The following SPTBN1 variants were observed in gnomAD, a reference collection of about 807,000 sequenced individuals.
SPTBN1 encodes the protein spectrin beta chain, non-erythrocytic 1.
SPTBN1 carries 32 observed loss-of-function variants against 266.4 expected under a neutral mutation model. The observed-to-expected ratio is 0.12, with a 90% CI of 0.09 to 0.16. The LOEUF (loss-of-function observed/expected upper bound fraction) is 0.16, where lower values mean the gene tolerates loss of function less well. SPTBN1 is among the 10% of genes least tolerant of loss of function. SPTBN1 has a pLI of 1.00. For synonymous variants in SPTBN1, 1,336 were observed against 1,162.2 expected (o/e 1.15, Z -3.04); for missense variants, 2,296 against 3,067.1 (o/e 0.75, Z 5.94).
intron 3 of SPTBN1, among the ~76,000 whole-genome samples, chr2:54,609,135 T>C (rs970145368): frequency 6.6e-6 from 1 of 152,142 alleles, no homozygotes; most frequent in Non-Finnish European, 1.5e-5. Context: ...ACACAAGCAG[T>C]CTTGAATAAT....
intron 1 of SPTBN1, among the ~76,000 whole-genome samples, chr2:54,524,069 C>T (rs200622506): frequency 6.6e-6 from 1 of 152,020 alleles, no homozygotes; most frequent in African/African-American, 2.4e-5. Context: ...CATGGTGGCT[C>T]GCGCCTGTAG....
At chr2:54,563,800 C>T (rs1164046195) in intron 2 of SPTBN1, among the ~76,000 whole-genome samples, 1 of 151,854 alleles carries the variant, frequency 6.6e-6, no homozygotes, top group Admixed American at 6.6e-5. Flanking sequence ...GATGGGGTTT[C>T]GCCATATTGG....
chr2:54,601,692 A>C (rs906477610), intron 3 of SPTBN1, among the ~76,000 whole-genome samples: 1 of 152,210 alleles, frequency 6.6e-6, no homozygotes, highest in Non-Finnish European at 1.5e-5. Context: ...TTTTAGCCCC[A>C]GCACTTAACC....
chr2:54,553,328 G>A (rs1220374835), intron 2 of SPTBN1, among the ~76,000 whole-genome samples: 1 of 152,164 alleles, frequency 6.6e-6, no homozygotes, highest in Non-Finnish European at 1.5e-5. Context: ...GTGGGCAAGA[G>A]GTTCCTAGGA....
intron 2 of SPTBN1, among the ~76,000 whole-genome samples, chr2:54,585,459 C>T (rs1379967136): frequency 6.6e-6 from 1 of 152,076 alleles, no homozygotes; most frequent in Non-Finnish European, 1.5e-5. Flanking sequence ...ACATTGGGTA[C>T]TTACAGGATT....
chr2:54,655,899 C>G lies in SPTBN1; in HGVS notation c.5962-15C>G. 6.2e-7 allele frequency: 1 copy of G among 1,606,640 alleles called. No homozygotes were observed. Among genetic ancestry groups the G allele is most frequent in the Non-Finnish European group, 8.5e-7 (1 of 1,174,372 alleles). ...ATTCCATTAAGATGTCCCGGGGATC[C>G]TCTTTTTCATACAGATCAAGGAAAA... On this transcript the variant is annotated splice_polypyrimidine_tract_variant and intron_variant, in intron 28 of 35. Coordinates refer to ENST00000356805, the MANE Select transcript of SPTBN1 (RefSeq NM_003128.3).
At chr2:54,640,146 T>C (rs1558458268) in intron 18 of SPTBN1, among the ~76,000 whole-genome samples, 1 of 152,202 alleles carries the variant, frequency 6.6e-6, no homozygotes, top group Non-Finnish European at 1.5e-5. Flanking sequence ...CATTCAGCCT[T>C]ATTAAAATAC....
chr2:54,540,004 G>A lies in SPTBN1; in HGVS notation c.148+13438G>A, dbSNP rs1671842044. On this transcript the variant is annotated intron_variant, in intron 2 of 35. Coordinates refer to ENST00000356805, the MANE Select transcript of SPTBN1 (RefSeq NM_003128.3). This position sits in a 1 kb window ranked among gnomAD's most constrained non-coding sequence, Gnocchi z 5.6. Reference sequence around the variant, plus strand: ...GCCCTCGTGAATGGGATTCATGTCCGTATAAAGTAGACATGGGAAATGATC... The same window carrying A: ...GCCCTCGTGAATGGGATTCATGTCCATATAAAGTAGACATGGGAAATGATC... Among the ~76,000 whole-genome samples the A allele has an allele frequency of 6.6e-6, 1 of 152,140 alleles. No homozygotes were observed. Among genetic ancestry groups the A allele is most frequent in the Admixed American group, 6.6e-5 (1 of 15,260 alleles).
chr2:54,526,594 C>T, intron 2 of SPTBN1, 28 bp downstream of exon 2: 1 of 1,596,620 alleles, frequency 6.3e-7, no homozygotes, highest in Non-Finnish European at 8.5e-7. Context: ...GTCACAGAGG[C>T]CCAGGATGCC....
intron 2 of SPTBN1, among the ~76,000 whole-genome samples, chr2:54,560,941 T>G (rs1304345722): frequency 6.6e-6 from 1 of 152,256 alleles, no homozygotes; most frequent in Non-Finnish European, 1.5e-5. Flanking sequence ...AAAACCTTTC[T>G]TTAATTCCCA....
At chr2:54,594,833 C>CTTTTCT (rs1553455347) in intron 2 of SPTBN1, among the ~76,000 whole-genome samples, 4 of 104,716 alleles carry the variant, frequency 3.8e-5, no homozygotes, top group African/African-American at 1.5e-4. Context: ...TGGTAAGTTT[C>CTTTTCT]TTTTTTTTTT....
chr2:54,656,227 G>A (rs1191010957), intron 29 of SPTBN1, among the ~76,000 whole-genome samples: 1 of 152,160 alleles, frequency 6.6e-6, no homozygotes, highest in Non-Finnish European at 1.5e-5. Flanking sequence ...GTGGGATTTG[G>A]ATGTTCTTTA....
At chr2:54,654,047 G>T (rs1404633599) in intron 27 of SPTBN1, among the ~76,000 whole-genome samples, 194 bp downstream of exon 27, 1 of 152,112 alleles carries the variant, frequency 6.6e-6, no homozygotes, top group Admixed American at 6.5e-5. Context: ...CATCACCAGG[G>T]AATGTGGGAG....
intron 31 of SPTBN1, 49 bp downstream of exon 31, chr2:54,659,315 T>A (rs757565718): frequency 6.4e-7 from 1 of 1,572,778 alleles, no homozygotes; most frequent in Admixed American, 1.7e-5. Flanking sequence ...CGGTGGCCAA[T>A]GAGGTTTATG....
At chr2:54,559,890 G>A (rs529507712) in intron 2 of SPTBN1, among the ~76,000 whole-genome samples, 12 of 152,288 alleles carry the variant, frequency 7.9e-5, no homozygotes, top group African/African-American at 2.9e-4. Flanking sequence ...GCCCTAGAAT[G>A]TTTTTCATTG....
rs368673970 is a variant in SPTBN1 at position 54,665,889 on chromosome 2, C to T, written c.6660-26C>T. 4.4e-6 allele frequency: 7 copies of T among 1,595,814 alleles called. No homozygotes were observed. The African/African-American group carries it at 9.5e-5, about 22-fold the overall frequency. On this transcript the variant is annotated intron_variant, in intron 33 of 35. Transcript: ENST00000356805. Reference sequence around the variant, plus strand: ...GAATGTGGTAGAGCCTTTATCTCCCCCTGCCCTTTTTTTTAAACTGCACAG... The same window carrying T: ...GAATGTGGTAGAGCCTTTATCTCCCTCTGCCCTTTTTTTTAAACTGCACAG...
At chr2:54,642,721 A>T (rs1271882225) in intron 18 of SPTBN1, among the ~76,000 whole-genome samples, 2 of 152,180 alleles carry the variant, frequency 1.3e-5, no homozygotes, top group African/African-American at 4.8e-5. Flanking sequence ...TATGAGTGCC[A>T]AACAGTTTGA....
intron 9 of SPTBN1, among the ~76,000 whole-genome samples, chr2:54,623,255 T>C (rs1456446418): frequency 1.3e-5 from 2 of 152,154 alleles, no homozygotes; most frequent in South Asian, 2.1e-4. Context: ...TACAAAAGAG[T>C]ATTGCATGCC....
At position 54,558,901 on chromosome 2, in the gene SPTBN1, CA is replaced by C. The variant is rs1673075707; in HGVS notation, c.148+32338del. On this transcript the variant is annotated intron_variant, in intron 2 of 35. Coordinates refer to ENST00000356805, the MANE Select transcript of SPTBN1 (RefSeq NM_003128.3). The surrounding 1 kb of genome is among the most constrained non-coding windows in gnomAD (Gnocchi z 4.6). ...AGCAGCTGCAAGGTAAGCCCCCTCC[CA>C]AAGGCCGGGCCTGTCCTGGGTGCCA... is the stretch of plus-strand genomic sequence containing the variant. The C allele has an allele frequency of 6.2e-7, 1 of 1,611,666 alleles. No individual in the cohort carries two copies. The highest frequency in any genetic ancestry group is 1.3e-5 in the African/African-American group (1 of 74,876).
Sources: gnomAD v4.1 joint callset for allele counts (sites outside exome capture counted in the v4.1 genomes callset) on GRCh38, gnomAD v4.1.1 for gene constraint, Gnocchi (gnomAD v3.1) non-coding constraint, MANE v1.5 for transcripts, NCBI Gene and HGNC (gene_info 2026-07-23, HGNC 2026-07-21) for gene names.